Variants in ARSJ observed in about 807,000 individuals in gnomAD.
ARSJ encodes arylsulfatase family member J.
ARSJ carries 26 observed loss-of-function variants against 35.9 expected under a neutral mutation model. The ratio of observed to expected loss-of-function variants is 0.72; its 90% CI spans 0.53 to 1.00. The LOEUF is 1.00. ARSJ is among the 50% of genes least tolerant of loss of function. The pLI is 0.00. For missense variants in ARSJ, 667 were observed against 723.6 expected, an observed-to-expected ratio of 0.92 and a Z score of 0.90; for synonymous variants, 294 against 267.6, an observed-to-expected ratio of 1.10 and a Z score of -0.96.
chr4:113,967,422 T>C (rs1421995731), intron 1 of ARSJ, among the ~76,000 whole-genome samples: 8 of 152,168 alleles, frequency 5.3e-5, no homozygotes, highest in Admixed American at 5.2e-4. Context: ...TGAGCATTTA[T>C]TATATGCCAG....
chr4:113,926,344 T>TA (rs1181674558), intron 1 of ARSJ, among the ~76,000 whole-genome samples: 1 of 152,122 alleles, frequency 6.6e-6, no homozygotes, highest in Non-Finnish European at 1.5e-5. Flanking sequence ...CACAACCAGG[T>TA]GCACTCCTCA....
intron 1 of ARSJ, among the ~76,000 whole-genome samples, chr4:113,908,842 A>C (rs181766803): frequency 6.6e-6 from 1 of 152,184 alleles, no homozygotes; most frequent in Admixed American, 6.5e-5. Flanking sequence ...CCAATGAATC[A>C]TCTTGCATTA....
intron 1 of ARSJ, among the ~76,000 whole-genome samples, chr4:113,972,852 A>G (rs1376192616): frequency 6.6e-6 from 1 of 152,100 alleles, no homozygotes; most frequent in Non-Finnish European, 1.5e-5. Context: ...TCACATCCCA[A>G]TATTCACAGA....
In ARSJ at chr4:113,901,266, C is replaced by A. The variant is rs192348749; in HGVS notation, c.*1008G>T. On this transcript the variant is annotated 3_prime_UTR_variant, in exon 2 of 2. Coordinates refer to ENST00000315366, the MANE Select transcript of ARSJ (RefSeq NM_024590.4). The stretch of plus-strand genomic sequence containing the variant: ...ACAATAAAGTTGTCTCAACTCTGCA[C>A]AAACATTGAATTTCCAAGTAATTTG... 1 of 152,226 alleles carries A rather than the reference C, an allele frequency of 6.6e-6. No individual in the cohort carries two copies. The highest frequency in any genetic ancestry group is 1.9e-4 in the East Asian group (1 of 5,178). 9.4% of individuals were successfully genotyped at this position (152,226 alleles called of 1,614,324 possible). A position where few individuals can be genotyped will look rare whatever the true frequency, so the allele number is the denominator to read the frequency against.
intron 1 of ARSJ, among the ~76,000 whole-genome samples, chr4:113,911,978 C>T (rs1425758111): frequency 2.6e-5 from 4 of 151,926 alleles, no homozygotes; most frequent in African/African-American, 4.8e-5. Flanking sequence ...GGTGTGCTAC[C>T]GAAATTAGAT....
At chr4:113,914,927 G>A (rs951129179) in intron 1 of ARSJ, among the ~76,000 whole-genome samples, 8 of 152,118 alleles carry the variant, frequency 5.3e-5, no homozygotes, top group Admixed American at 2.0e-4. Flanking sequence ...TACACTGTCC[G>A]TTCATTATTT....
chr4:113,909,021 T>C (rs994536212), intron 1 of ARSJ, among the ~76,000 whole-genome samples: 4 of 152,080 alleles, frequency 2.6e-5, no homozygotes, highest in Admixed American at 6.5e-5. Context: ...AGGTCAAAGA[T>C]GATGGTGGCT....
chr4:113,962,009 G>T (rs1594500967), intron 1 of ARSJ, among the ~76,000 whole-genome samples: 1 of 151,798 alleles, frequency 6.6e-6, no homozygotes, highest in East Asian at 1.9e-4. Flanking sequence ...TGAAAATAGG[G>T]ATGTTGAGTG....
intron 1 of ARSJ, among the ~76,000 whole-genome samples, chr4:113,908,076 C>T (rs2099669312): frequency 6.6e-6 from 1 of 152,014 alleles, no homozygotes; most frequent in Admixed American, 6.6e-5. Flanking sequence ...CACGTAAACC[C>T]CTAGATCCTA....
intron 1 of ARSJ, among the ~76,000 whole-genome samples, chr4:113,923,875 T>G (rs1723838035): frequency 1.3e-5 from 2 of 150,866 alleles, no homozygotes; most frequent in Non-Finnish European, 3.0e-5. Context: ...CTATAAAAGT[T>G]CTATTGGATC....
intron 1 of ARSJ, among the ~76,000 whole-genome samples, chr4:113,947,793 CT>C (rs1223290354): frequency 1.3e-5 from 2 of 151,942 alleles, no homozygotes; most frequent in African/African-American, 4.8e-5. Context: ...AAATTATATA[CT>C]TTTTTAAGTG....
At chr4:113,915,594 A>G (rs1302247802) in intron 1 of ARSJ, among the ~76,000 whole-genome samples, 1 of 152,136 alleles carries the variant, frequency 6.6e-6, no homozygotes, top group African/African-American at 2.4e-5. Flanking sequence ...TTTTGTCTGA[A>G]ATATACTGTA....
At chr4:113,936,030 C>T (rs1484678460) in intron 1 of ARSJ, among the ~76,000 whole-genome samples, 3 of 151,878 alleles carry the variant, frequency 2.0e-5, no homozygotes, top group African/African-American at 7.2e-5. Context: ...TCCATTTTAG[C>T]ATATTCTAAA....
At chr4:113,908,509 A>G (rs1486114490) in intron 1 of ARSJ, among the ~76,000 whole-genome samples, 1 of 152,216 alleles carries the variant, frequency 6.6e-6, no homozygotes, top group Admixed American at 6.5e-5. Flanking sequence ...ACATAAATGG[A>G]TCTGAGAAGT....
chr4:113,963,042 G>A (rs1190765617), intron 1 of ARSJ, among the ~76,000 whole-genome samples: 1 of 151,870 alleles, frequency 6.6e-6, no homozygotes, highest in Non-Finnish European at 1.5e-5. Context: ...TCCCTTCCTT[G>A]CCTCCCTTCT....
chr4:113,907,895 C>G (rs2099669246), intron 1 of ARSJ, among the ~76,000 whole-genome samples: 1 of 152,068 alleles, frequency 6.6e-6, no homozygotes, highest in African/African-American at 2.4e-5. Context: ...TTTGATTGCA[C>G]ATGAACACAA....
chr4:113,913,305 T>C (rs1461578994), intron 1 of ARSJ, among the ~76,000 whole-genome samples: 1 of 152,218 alleles, frequency 6.6e-6, no homozygotes, highest in Non-Finnish European at 1.5e-5. Context: ...ATTACAATTT[T>C]CCTGGTCTCT....
chr4:113,964,551 AC>A (rs1469155616), intron 1 of ARSJ, among the ~76,000 whole-genome samples: 1 of 152,124 alleles, frequency 6.6e-6, no homozygotes, highest in Non-Finnish European at 1.5e-5. Context: ...TAAGCTTTCA[AC>A]TGCAGACTTT....
chr4:113,928,442 C>A (rs774674079), intron 1 of ARSJ, among the ~76,000 whole-genome samples: 1 of 152,094 alleles, frequency 6.6e-6, no homozygotes, highest in Admixed American at 6.5e-5. Context: ...TCAAAATAGT[C>A]TTTTGTCCAT....
Sources: allele counts gnomAD v4.1 joint callset (sites outside exome capture counted in the v4.1 genomes callset), GRCh38; gene constraint gnomAD v4.1.1; transcripts MANE v1.5; gene names NCBI Gene and HGNC (gene_info 2026-07-23, HGNC 2026-07-21).